Variants in RIMS2 observed in about 807,000 individuals in gnomAD.
The protein encoded by RIMS2 is regulating synaptic membrane exocytosis 2.
Under a neutral mutation model 174.4 loss-of-function variants are expected in RIMS2, and 59 were observed. The observed-to-expected ratio is 0.34, with a 90% CI of 0.27 to 0.42. The LOEUF is 0.42. Ranked by LOEUF, RIMS2 falls within the 10% of genes least tolerant of loss-of-function variation. The pLI, the probability that RIMS2 is intolerant of heterozygous loss-of-function variation, is 1.00. For missense variants in RIMS2, 1,620 were observed against 1,666.3 expected, an observed-to-expected ratio of 0.97 and a Z score of 0.48; for synonymous variants, 606 against 572.5, an observed-to-expected ratio of 1.06 and a Z score of -0.84.
intron 19 of RIMS2, among the ~76,000 whole-genome samples, chr8:104,101,392 G>A (rs915780074): frequency 7.2e-5 from 11 of 152,028 alleles, no homozygotes; most frequent in Non-Finnish European, 1.6e-4. Flanking sequence ...GCCTCCCAAA[G>A]TGCTGGGATT....
At chr8:104,101,872 G>A (rs2097910009) in intron 19 of RIMS2, among the ~76,000 whole-genome samples, 1 of 152,044 alleles carries the variant, frequency 6.6e-6, no homozygotes, top group African/African-American at 2.4e-5. Context: ...ATCTCTTCTT[G>A]AAACATTTTG....
intron 1 of RIMS2, among the ~76,000 whole-genome samples, chr8:103,617,466 C>T (rs1398652213): frequency 6.6e-6 from 1 of 152,132 alleles, no homozygotes; most frequent in Non-Finnish European, 1.5e-5. Context: ...GATTCCATGA[C>T]AAAGATACCA....
rs189416972 is a variant in RIMS2, at chr8:103,864,783, A to C, written c.699-20515A>C. Among the ~76,000 whole-genome samples, 88 of 152,312 alleles carry C rather than the reference A, an allele frequency of 5.8e-4. 1 individual carries two copies. Among genetic ancestry groups the C allele is most frequent in the Middle Eastern group, 3.4e-3 (1 of 294 alleles). On this transcript the variant is annotated intron_variant, in intron 3 of 23. Transcript: ENST00000504942. ...TCATACAACTAACAGTCATAGAGTT[A>C]GAGCACTAACAGTCACAGAGTATCA...
intron 19 of RIMS2, among the ~76,000 whole-genome samples, chr8:104,055,844 G>A (rs1055436780): frequency 2.0e-5 from 3 of 152,138 alleles, no homozygotes; most frequent in South Asian, 4.1e-4. Flanking sequence ...TCAGTGTCTC[G>A]TTTGTCCTGT....
Position 103,885,378 on chromosome 8 carries a change from C to G in RIMS2, c.779C>G (p.Ala260Gly), listed in dbSNP as rs146399863. The stretch of plus-strand genomic sequence containing the variant: ...GAAAGAGAGGAATATTCACAGTATG[C>G]TACTTCGGATACCGCAATGCCTAGA... Residue 260 changes from alanine to glycine, a missense_variant, in exon 4 of 24, where the codon GCT (alanine) becomes GGT (glycine). By Grantham distance (60) the Ala-to-Gly change is moderately conservative (BLOSUM62 0). Around this residue, in one of 2 missense-constraint regions of RIMS2, gnomAD observed 1,395 missense variants for 1,360.1 expected, o/e 1.03. Transcript: ENST00000504942. The G allele has an allele frequency of 1.0e-4, 168 of 1,612,562 alleles. No individual in the cohort carries two copies. In the African/African-American group the frequency reaches 1.9e-3, roughly 18 times the overall value.
intron 4 of RIMS2, among the ~76,000 whole-genome samples, chr8:103,893,325 G>A (rs1314887741): frequency 6.6e-6 from 1 of 152,038 alleles, no homozygotes; most frequent in African/African-American, 2.4e-5. Context: ...ATTGTATCTG[G>A]GGTAGGCTTT....
At chr8:103,696,817 C>T (rs960876881) in intron 1 of RIMS2, among the ~76,000 whole-genome samples, 34 of 135,150 alleles carry the variant, frequency 2.5e-4, no homozygotes, top group Non-Finnish European at 3.8e-4. Flanking sequence ...GAGCCAAGAT[C>T]GCGTCACTGC....
intron 1 of RIMS2, among the ~76,000 whole-genome samples, chr8:103,612,559 G>T (rs973570523): frequency 3.3e-5 from 5 of 152,032 alleles, no homozygotes; most frequent in Non-Finnish European, 7.4e-5. Flanking sequence ...TGGATTACTA[G>T]ACAGAGACTC....
chr8:103,947,883 A>G (rs1169152165), intron 14 of RIMS2, among the ~76,000 whole-genome samples: 1 of 152,212 alleles, frequency 6.6e-6, no homozygotes, highest in African/African-American at 2.4e-5. Flanking sequence ...TCTTATATAC[A>G]GTTAGTTGTT....
intron 19 of RIMS2, among the ~76,000 whole-genome samples, chr8:104,143,590 C>A (rs962219576): frequency 6.6e-6 from 1 of 152,170 alleles, no homozygotes; most frequent in African/African-American, 2.4e-5. Context: ...TGTTTAGGAG[C>A]TTGACCAGTC....
At chr8:103,653,299 T>C (rs9297337) in intron 1 of RIMS2, among the ~76,000 whole-genome samples, 1,768 of 152,266 alleles carry the variant, frequency 0.012, 32 homozygotes, top group African/African-American at 0.039. Context: ...GAAGTATTGA[T>C]TTCATTTTTT....
intron 3 of RIMS2, among the ~76,000 whole-genome samples, chr8:103,863,054 A>G (rs1452721076): frequency 6.6e-6 from 1 of 152,010 alleles, no homozygotes; most frequent in Non-Finnish European, 1.5e-5. Context: ...CTTCTTAGGG[A>G]GAATGCTTTC....
At chr8:103,633,373 G>A (rs1198770837) in intron 1 of RIMS2, among the ~76,000 whole-genome samples, 1 of 152,014 alleles carries the variant, frequency 6.6e-6, no homozygotes, top group African/African-American at 2.4e-5. Flanking sequence ...AACCAAACTT[G>A]CATCCTGGGG....
Position 103,622,756 on chromosome 8 carries a change from G to A in RIMS2, c.177-74330G>A, listed in dbSNP as rs535814337. Among the ~76,000 whole-genome samples the A allele has an allele frequency of 2.0e-5, 3 of 152,240 alleles. No homozygotes were observed. The East Asian group carries it at 5.8e-4, about 29-fold the overall frequency. ...ATCTTCTCCCCCCTGCTATCAAATG[G>A]AGCACCAGCCACAGGCAGTTGGCTA... On this transcript the variant is annotated intron_variant, in intron 1 of 23. Transcript: ENST00000504942.
intron 2 of RIMS2, among the ~76,000 whole-genome samples, chr8:103,764,220 T>C (rs1213104141): frequency 6.6e-6 from 1 of 152,242 alleles, no homozygotes; most frequent in Non-Finnish European, 1.5e-5. Flanking sequence ...TGATAGTGAT[T>C]GGATAATTGT....
chr8:104,019,739 G>A (rs1312438832), intron 19 of RIMS2, among the ~76,000 whole-genome samples: 1 of 152,064 alleles, frequency 6.6e-6, no homozygotes, highest in African/African-American at 2.4e-5. Context: ...TTTAGGAATT[G>A]CATTTTTATG....
chr8:103,518,098 G>C (rs778617866), intron 1 of RIMS2, among the ~76,000 whole-genome samples: 5 of 152,070 alleles, frequency 3.3e-5, no homozygotes, highest in Non-Finnish European at 1.5e-5. Context: ...AAAATGGTGG[G>C]TATCAGGGAC....
At chr8:103,570,034 C>A (rs548443665) in intron 1 of RIMS2, among the ~76,000 whole-genome samples, 1 of 152,198 alleles carries the variant, frequency 6.6e-6, no homozygotes, top group South Asian at 2.1e-4. Context: ...GGTCTTGTAT[C>A]CTGCAATTAG....
intron 3 of RIMS2, among the ~76,000 whole-genome samples, chr8:103,867,265 A>C (rs1424685651): frequency 1.3e-5 from 2 of 151,898 alleles, no homozygotes; most frequent in African/African-American, 2.4e-5. Flanking sequence ...TGTCAACTGA[A>C]AAATAAGCAT....
Sources: allele counts gnomAD v4.1 joint callset (sites outside exome capture counted in the v4.1 genomes callset), GRCh38; gene constraint gnomAD v4.1.1; regional missense constraint gnomAD v4.1.1; transcripts MANE v1.5; gene names NCBI Gene and HGNC (gene_info 2026-07-23, HGNC 2026-07-21).